The following GFRA1 variants were observed in gnomAD, a reference collection of about 807,000 sequenced individuals.
GFRA1 encodes the protein GDNF family receptor alpha 1.
A neutral mutation model predicts 51.6 loss-of-function variants in GFRA1; 16 were observed. The observed-to-expected ratio is 0.31, with a 90% CI of 0.21 to 0.47. GFRA1 has a LOEUF of 0.47. Ranked by LOEUF, GFRA1 falls within the 20% of genes least tolerant of loss-of-function variation. The probability of loss-of-function intolerance (pLI) is 1.00; values close to 1 mark genes in which losing one functional copy is unlikely to be tolerated. For missense variants in GFRA1, 530 were observed against 594.3 expected (o/e 0.89, Z 1.13); for synonymous variants, 270 against 241.3 (o/e 1.12, Z -1.10).
intron 4 of GFRA1, among the ~76,000 whole-genome samples, chr10:116,216,450 G>T (rs1589880681): frequency 6.6e-6 from 1 of 152,126 alleles, no homozygotes. Context: ...TCAATCCATA[G>T]TCCATAACTA....
chr10:116,223,593 G>A (rs970211683), intron 4 of GFRA1, among the ~76,000 whole-genome samples: 1 of 152,160 alleles, frequency 6.6e-6, no homozygotes, highest in East Asian at 1.9e-4. Context: ...CAGAAATGGA[G>A]AGTAACCAGA....
At chr10:116,087,561 G>C (rs1205145510) in intron 9 of GFRA1, among the ~76,000 whole-genome samples, 1 of 152,196 alleles carries the variant, frequency 6.6e-6, no homozygotes, top group African/African-American at 2.4e-5. Flanking sequence ...GTCACCCTCT[G>C]TGCACTGAGA....
Position 116,093,810 on chromosome 10 carries a change from CTATG to C in GFRA1, c.903_906del (p.Tyr301Ter). ...GGGGCCACACTGAGGCTACTGGAGT[CTATG>C]TAGTTGGGGGTCATGACTGTGCCTA... On this transcript the variant is annotated frameshift_variant, in exon 8 of 11. Coordinates refer to ENST00000355422, the MANE Select transcript of GFRA1 (RefSeq NM_005264.8). LOFTEE classifies it high-confidence loss of function. 1.2e-6 allele frequency: 2 copies of C among 1,614,010 alleles called. No homozygotes were observed. Among genetic ancestry groups the C allele is most frequent in the Non-Finnish European group, 1.7e-6 (2 of 1,179,904 alleles).
chr10:116,192,985 CCTACCCCCTCCATCT>C lies in GFRA1; in HGVS notation c.433+18631_433+18645del, dbSNP rs1421275435. Among the ~76,000 whole-genome samples, 8 of 152,252 alleles carry C rather than the reference CCTACCCCCTCCATCT, an allele frequency of 5.3e-5. No homozygotes were observed. In the South Asian group the frequency reaches 6.2e-4, roughly 12 times the overall value. On this transcript the variant is annotated intron_variant, in intron 5 of 10. Transcript: ENST00000355422. ...AAATCCCCACCGGCTTTGTACAACT[CCTACCCCCTCCATCT>C]CTCCCAGGCCCCTCCACACACACAG...
At chr10:116,108,569 A>G (rs150488654) in intron 6 of GFRA1, among the ~76,000 whole-genome samples, 171 of 152,284 alleles carry the variant, frequency 1.1e-3, no homozygotes, top group African/African-American at 3.8e-3. Flanking sequence ...AGGGCAAAGA[A>G]GCTGATTTCC....
chr10:116,224,007 G>T (rs540587384), intron 4 of GFRA1, among the ~76,000 whole-genome samples: 1 of 152,080 alleles, frequency 6.6e-6, no homozygotes, highest in African/African-American at 2.4e-5. Context: ...GGCAATAAAG[G>T]GTGCCATCTT....
In GFRA1 at chr10:116,125,321, G is replaced by T. The variant is rs770678431; in HGVS notation, c.670C>A (p.Arg224=). 5 of 1,613,870 alleles carry T rather than the reference G, an allele frequency of 3.1e-6. No individual in the cohort carries two copies. The highest frequency in any genetic ancestry group is 4.2e-6 in the Non-Finnish European group (5 of 1,179,856). ...ACAGGCACGATGGTCTGTCGCCTCC[G>T]CTCTGTGCAGGCGATGTCCCGGCAG... The part of the protein sequence containing the change: ...CSCRDIACTE[R]RRQTIVPVCS... Residue 224 remains arginine (R), a synonymous_variant, in exon 6 of 11, where the codon CGG becomes AGG. Transcript: ENST00000355422.
intron 5 of GFRA1, among the ~76,000 whole-genome samples, chr10:116,137,033 G>A (rs1163082852): frequency 6.6e-6 from 1 of 152,186 alleles, no homozygotes; most frequent in African/African-American, 2.4e-5. Context: ...TACTTTGAAG[G>A]AGAATATTCA....
chr10:116,102,371 G>C (rs1319627560), intron 6 of GFRA1, among the ~76,000 whole-genome samples: 1 of 152,194 alleles, frequency 6.6e-6, no homozygotes, highest in Non-Finnish European at 1.5e-5. Flanking sequence ...AGAGGATGCA[G>C]ATGGGACAAG....
At position 116,075,916 on chromosome 10, in the gene GFRA1, T is replaced by G. The variant is rs185676942; in HGVS notation, c.1198-10290A>C. 3.3e-3 allele frequency among the ~76,000 whole-genome samples: 509 copies of G among 152,144 alleles called. 4 individuals are homozygous for G. Among genetic ancestry groups the G allele is most frequent in the African/African-American group, 0.012 (489 of 41,494 alleles). On this transcript the variant is annotated intron_variant, in intron 9 of 10. Coordinates refer to ENST00000355422, the MANE Select transcript of GFRA1 (RefSeq NM_005264.8). ...CCCACCACTGTGCCCGGCTAATTTT[T>G]TGTATTTTTAGTAGAGACGGGGTTT...
chr10:116,214,924 C>T (rs1474641826), intron 4 of GFRA1, among the ~76,000 whole-genome samples: 6 of 152,162 alleles, frequency 3.9e-5, no homozygotes. Flanking sequence ...TTTGTATCTT[C>T]GATTCCAAAA....
chr10:116,209,992 G>A (rs573704928), intron 5 of GFRA1, among the ~76,000 whole-genome samples: 331 of 152,208 alleles, frequency 2.2e-3, no homozygotes, highest in Non-Finnish European at 3.7e-3. Context: ...ACAGAGCAAC[G>A]GGTAGCTTGC....
At chr10:116,083,368 C>T (rs995914778) in intron 9 of GFRA1, among the ~76,000 whole-genome samples, 1 of 152,198 alleles carries the variant, frequency 6.6e-6, no homozygotes, top group East Asian at 1.9e-4. Context: ...TGCAAAATCC[C>T]AGCACCCTGG....
chr10:116,127,153 T>C (rs1418950091), intron 5 of GFRA1, among the ~76,000 whole-genome samples: 1 of 151,992 alleles, frequency 6.6e-6, no homozygotes, highest in Non-Finnish European at 1.5e-5. Context: ...GTTTGAGTCA[T>C]GCAAGATGAA....
At chr10:116,206,683 A>AGTG in intron 5 of GFRA1, among the ~76,000 whole-genome samples, 1 of 125,072 alleles carries the variant, frequency 8.0e-6, no homozygotes, top group Non-Finnish European at 1.6e-5. Context: ...GCTGGGCTGG[A>AGTG]GTGCAGCCGC....
intron 6 of GFRA1, among the ~76,000 whole-genome samples, chr10:116,112,235 A>C (rs1307147470): frequency 2.0e-5 from 3 of 152,274 alleles, no homozygotes; most frequent in South Asian, 4.1e-4. Flanking sequence ...TGCTGGAGTG[A>C]ACGTTCTTGG....
At chr10:116,094,617 A>T (rs551736103) in intron 7 of GFRA1, among the ~76,000 whole-genome samples, 1 of 152,204 alleles carries the variant, frequency 6.6e-6, no homozygotes, top group Non-Finnish European at 1.5e-5. Context: ...GATGACAAGA[A>T]GGCTTTTGTT....
intron 6 of GFRA1, among the ~76,000 whole-genome samples, chr10:116,113,290 A>T (rs1187283401): frequency 6.6e-6 from 1 of 152,142 alleles, no homozygotes; most frequent in Non-Finnish European, 1.5e-5. Context: ...GAAGTAATAA[A>T]TATGTAAACC....
At chr10:116,232,427 T>C (rs1355443367) in intron 4 of GFRA1, among the ~76,000 whole-genome samples, 1 of 152,166 alleles carries the variant, frequency 6.6e-6, no homozygotes, top group Non-Finnish European at 1.5e-5. Flanking sequence ...GCATTGTGTT[T>C]ACATTTTTAT....
Sources: gnomAD v4.1 joint callset for allele counts (sites outside exome capture counted in the v4.1 genomes callset) on GRCh38, gnomAD v4.1.1 for gene constraint, MANE v1.5 for transcripts, NCBI Gene and HGNC (gene_info 2026-07-23, HGNC 2026-07-21) for gene names.